The following GRB2 variants were observed in gnomAD, a reference collection of about 807,000 sequenced individuals.
GRB2 encodes the protein growth factor receptor-bound protein 2.
A neutral mutation model predicts 27.4 loss-of-function variants in GRB2; 2 were observed. That is an observed-to-expected ratio of 0.07 (90% CI 0.03 to 0.23). GRB2 has a LOEUF of 0.23. Among genes scored for constraint, GRB2 ranks in the 10% least tolerant of loss-of-function variants. GRB2 has a pLI of 1.00. For synonymous variants in GRB2, 94 were observed against 99.6 expected (o/e 0.94, Z 0.33); for missense variants, 102 against 282.4 (o/e 0.36, Z 4.58).
At chr17:75,358,257 T>G (rs2078747170) in intron 2 of GRB2, among the ~76,000 whole-genome samples, 1 of 152,206 alleles carries the variant, frequency 6.6e-6, no homozygotes, top group East Asian at 1.9e-4. Flanking sequence ...CCACAAGCCC[T>G]GTTAAAATTA....
intron 5 of GRB2, 23 bp downstream of exon 5, chr17:75,321,636 C>T (rs907130819): frequency 6.2e-7 from 1 of 1,610,722 alleles, no homozygotes; most frequent in Admixed American, 1.7e-5. Context: ...AAAATGATCC[C>T]ATCTCACCCT....
chr17:75,351,721 A>ATT (rs1190736079), intron 2 of GRB2, among the ~76,000 whole-genome samples: 2 of 152,214 alleles, frequency 1.3e-5, no homozygotes, highest in East Asian at 3.8e-4. Context: ...TATTAAAGGG[A>ATT]TAATCCCTCA....
At chr17:75,367,792 G>T (rs1463055108) in intron 2 of GRB2, among the ~76,000 whole-genome samples, 1 of 152,056 alleles carries the variant, frequency 6.6e-6, no homozygotes, top group Non-Finnish European at 1.5e-5. Context: ...CGGCCTCAAA[G>T]CCCTGGAATC....
At chr17:75,330,731 A>G (rs1234317128) in intron 3 of GRB2, among the ~76,000 whole-genome samples, 1 of 152,028 alleles carries the variant, frequency 6.6e-6, no homozygotes, top group Non-Finnish European at 1.5e-5. Flanking sequence ...GTGGGCTTAT[A>G]CAACAGAAAT....
At chr17:75,380,087 A>G (rs149810676) in intron 2 of GRB2, among the ~76,000 whole-genome samples, 1 of 152,338 alleles carries the variant, frequency 6.6e-6, no homozygotes, top group African/African-American at 2.4e-5. Flanking sequence ...TCATGTTTCT[A>G]GTTTATCTTA....
chr17:75,358,008 C>G (rs7214379), intron 2 of GRB2, among the ~76,000 whole-genome samples: 152,358 of 152,360 alleles, frequency 1, 76,178 homozygotes, highest in Non-Finnish European at 1. Context: ...TGAGGCAAGA[C>G]AATCGCTTGA....
Position 75,324,137 on chromosome 17 carries a change from CA to C in GRB2, c.299+1760del, listed in dbSNP as rs532095423. Among the ~76,000 whole-genome samples the C allele has an allele frequency of 9.0e-3, 1,320 of 147,196 alleles. 18 individuals carry two copies. Among genetic ancestry groups the C allele is most frequent in the African/African-American group, 0.031 (1,236 of 40,198 alleles). On this transcript the variant is annotated intron_variant, in intron 4 of 5. Transcript: ENST00000316804. ...AACTATAAATTTAAAATCTACGTTT[CA>C]AAAAAAAAATCTACATTTTAATCAC...
intron 2 of GRB2, among the ~76,000 whole-genome samples, chr17:75,377,595 C>CAG (rs1328843533): frequency 2.2e-5 from 1 of 45,426 alleles, no homozygotes; most frequent in Non-Finnish European, 4.0e-5. Flanking sequence ...GACCCTGTCT[C>CAG]AGAAAAAAAA....
intron 2 of GRB2, chr17:75,371,587 A>G (rs895597348): frequency 2.6e-5 from 4 of 152,140 alleles, no homozygotes; most frequent in Non-Finnish European, 5.9e-5. Context: ...GAGGTACACA[A>G]TGGTGCTCGG....
At chr17:75,343,550 A>G (rs1281116736) in intron 2 of GRB2, among the ~76,000 whole-genome samples, 2 of 152,192 alleles carry the variant, frequency 1.3e-5, no homozygotes, top group East Asian at 1.9e-4. Flanking sequence ...ATGCTCATCA[A>G]CCTCTTCAGT....
Position 75,360,102 on chromosome 17 carries a change from C to T in GRB2, c.79-27305G>A, listed in dbSNP as rs146134145. 2.2e-3 allele frequency among the ~76,000 whole-genome samples: 329 copies of T among 151,920 alleles called. 5 individuals carry two copies. The highest frequency in any genetic ancestry group is 7.2e-4 in the Non-Finnish European group (49 of 67,996). Reference sequence around the variant, plus strand: ...TTAGAGACCAGCCTGGGCAACATGGCGAGACCTTGTCTCTAATATACTTAA... The same window carrying T: ...TTAGAGACCAGCCTGGGCAACATGGTGAGACCTTGTCTCTAATATACTTAA... On this transcript the variant is annotated intron_variant, in intron 2 of 5. Coordinates refer to ENST00000316804, the MANE Select transcript of GRB2 (RefSeq NM_002086.5).
chr17:75,384,780 C>T (rs1257327330), intron 2 of GRB2, among the ~76,000 whole-genome samples: 2 of 151,912 alleles, frequency 1.3e-5, no homozygotes, highest in African/African-American at 4.8e-5. Flanking sequence ...TTGGAGACAA[C>T]AATTACTCCT....
chr17:75,378,816 C>T (rs1465497612), intron 2 of GRB2, among the ~76,000 whole-genome samples: 1 of 152,198 alleles, frequency 6.6e-6, no homozygotes, highest in African/African-American at 2.4e-5. Flanking sequence ...GTTCTCACTT[C>T]TAGCATTAAA....
intron 1 of GRB2, among the ~76,000 whole-genome samples, chr17:75,399,028 G>A (rs532674588): frequency 6.6e-5 from 10 of 152,048 alleles, no homozygotes; most frequent in African/African-American, 1.9e-4. Flanking sequence ...GATTACAGGC[G>A]TGAGCCACTG....
intron 2 of GRB2, among the ~76,000 whole-genome samples, chr17:75,341,529 G>A (rs917151329): frequency 1.3e-5 from 2 of 150,836 alleles, no homozygotes; most frequent in African/African-American, 4.9e-5. Flanking sequence ...CCTGGTGATG[G>A]AATGGTGAGA....
chr17:75,374,825 T>C (rs2078881690), intron 2 of GRB2, among the ~76,000 whole-genome samples: 1 of 152,178 alleles, frequency 6.6e-6, no homozygotes, highest in Non-Finnish European at 1.5e-5. Flanking sequence ...ACTACTATCA[T>C]GACATTCTCA....
chr17:75,351,745 A>G (rs925171832), intron 2 of GRB2, among the ~76,000 whole-genome samples: 5 of 152,220 alleles, frequency 3.3e-5, no homozygotes, highest in African/African-American at 1.2e-4. Flanking sequence ...AGAAGGAATG[A>G]TCCCATTCTT....
intron 2 of GRB2, among the ~76,000 whole-genome samples, chr17:75,333,999 A>G (rs1353337699): frequency 6.6e-6 from 1 of 152,206 alleles, no homozygotes; most frequent in Non-Finnish European, 1.5e-5. Context: ...TGCATAGGCT[A>G]GGCCATGACG....
intron 2 of GRB2, among the ~76,000 whole-genome samples, chr17:75,364,289 T>C (rs2078805546): frequency 6.6e-6 from 1 of 152,230 alleles, no homozygotes. Flanking sequence ...CATACCTATG[T>C]AGACACTCAA....
Sources: allele counts gnomAD v4.1 joint callset (sites outside exome capture counted in the v4.1 genomes callset), GRCh38; gene constraint gnomAD v4.1.1; transcripts MANE v1.5; gene names NCBI Gene and HGNC (gene_info 2026-07-23, HGNC 2026-07-21).